TBC1D32: variants seen among roughly 807,000 people sequenced by gnomAD.
TBC1D32 encodes the protein protein broad-minded.
Under a neutral mutation model 170.3 loss-of-function variants are expected in TBC1D32, and 151 were observed. The observed-to-expected ratio is 0.89, with a 90% CI of 0.78 to 1.01. The LOEUF (loss-of-function observed/expected upper bound fraction) is 1.01. Ranked by LOEUF, TBC1D32 falls within the 50% of genes least tolerant of loss-of-function variation. The pLI is 0.00. For missense variants in TBC1D32, 1,464 were observed against 1,457.1 expected (o/e 1.00, Z -0.08); for synonymous variants, 498 against 488.0 (o/e 1.02, Z -0.27).
At chr6:121,129,300 T>C (rs1781174589) in intron 25 of TBC1D32, among the ~76,000 whole-genome samples, 1 of 152,288 alleles carries the variant, frequency 6.6e-6, no homozygotes, top group Middle Eastern at 3.4e-3. Flanking sequence ...AAGATAGTTT[T>C]GTGTTAGATT....
intron 9 of TBC1D32, among the ~76,000 whole-genome samples, chr6:121,300,620 T>C (rs1289155022): frequency 6.6e-6 from 1 of 152,036 alleles, no homozygotes; most frequent in Non-Finnish European, 1.5e-5. Flanking sequence ...ATTCAGGACA[T>C]AGGCATGGGC....
chr6:121,306,048 G>GA (rs1007659601), intron 5 of TBC1D32, among the ~76,000 whole-genome samples: 1 of 152,056 alleles, frequency 6.6e-6, no homozygotes, highest in African/African-American at 2.4e-5. Flanking sequence ...TTAAGTAAAA[G>GA]AAAAAATACG....
chr6:121,084,681 AAG>A (rs1776003638), intron 31 of TBC1D32, among the ~76,000 whole-genome samples: 1 of 152,114 alleles, frequency 6.6e-6, no homozygotes, highest in Non-Finnish European at 1.5e-5. Context: ...AAAAATACTG[AAG>A]ATACTAATTT....
chr6:121,303,838 G>T, intron 8 of TBC1D32, 77 bp from the exon 9 acceptor site: 1 of 1,014,340 alleles, frequency 9.9e-7, no homozygotes, highest in South Asian at 3.4e-5. Context: ...GAATGATAAA[G>T]TAGCATATAA....
intron 22 of TBC1D32, among the ~76,000 whole-genome samples, chr6:121,181,554 G>A (rs1274883305): frequency 2.6e-5 from 4 of 152,038 alleles, no homozygotes; most frequent in African/African-American, 9.7e-5. Context: ...GAATTACCCA[G>A]TCTCAGGTAT....
intron 12 of TBC1D32, among the ~76,000 whole-genome samples, chr6:121,284,490 C>T (rs80068653): frequency 0.033 from 4,975 of 152,152 alleles, 186 homozygotes; most frequent in East Asian, 0.12. Flanking sequence ...TTACATATCA[C>T]AAAACACCCT....
chr6:121,099,869 T>A (rs768603181), intron 30 of TBC1D32, among the ~76,000 whole-genome samples: 1 of 152,058 alleles, frequency 6.6e-6, no homozygotes, highest in East Asian at 1.9e-4. Flanking sequence ...AGTTTCAAAC[T>A]AATACAAATA....
rs539106083 is a variant in TBC1D32 at position 121,224,826 on chromosome 6, T to TA, written c.2365-1475dup. ...GTTTTTAATAAAGGCTATTTCTGTCTAAAAAATGAATTCACATTAAACTTA... is the reference window on the plus strand; with the variant it reads ...GTTTTTAATAAAGGCTATTTCTGTCTAAAAAAATGAATTCACATTAAACTTA... On this transcript the variant is annotated intron_variant, in intron 20 of 31. Transcript: ENST00000398212. Among the ~76,000 whole-genome samples, 63 of 152,220 alleles carry TA rather than the reference T, an allele frequency of 4.1e-4. 1 individual carries two copies. In the South Asian group the frequency reaches 0.013, roughly 31 times the overall value.
intron 9 of TBC1D32, among the ~76,000 whole-genome samples, chr6:121,301,133 G>A (rs1200684644): frequency 3.9e-5 from 6 of 152,102 alleles, no homozygotes; most frequent in African/African-American, 9.7e-5. Flanking sequence ...GCAGTGTGGC[G>A]ATTCCTCAAG....
At chr6:121,101,767 G>T (rs1778099099) in intron 30 of TBC1D32, among the ~76,000 whole-genome samples, 2 of 152,074 alleles carry the variant, frequency 1.3e-5, no homozygotes, top group Admixed American at 6.6e-5. Context: ...GAAATAAAGG[G>T]TATTCAATTA....
intron 24 of TBC1D32, among the ~76,000 whole-genome samples, chr6:121,135,389 C>G (rs896936087): frequency 6.6e-6 from 1 of 152,118 alleles, no homozygotes; most frequent in South Asian, 2.1e-4. Flanking sequence ...GACTTGCCTT[C>G]TGCTGTAAAT....
chr6:121,157,016 T>C (rs1784986667), intron 24 of TBC1D32, among the ~76,000 whole-genome samples: 1 of 152,148 alleles, frequency 6.6e-6, no homozygotes, highest in African/African-American at 2.4e-5. Context: ...TGGATACTTA[T>C]TAGGTCTACT....
intron 21 of TBC1D32, among the ~76,000 whole-genome samples, chr6:121,214,549 CA>C (rs945144837): frequency 2.6e-5 from 4 of 152,164 alleles, no homozygotes; most frequent in African/African-American, 9.7e-5. Flanking sequence ...TGCACCTAGA[CA>C]AGGCATAAAG....
rs144564467 is a variant in TBC1D32, at chr6:121,264,848, C to T, written c.1734-8563G>A. On this transcript the variant is annotated intron_variant, in intron 15 of 31. Transcript: ENST00000398212. Reference sequence around the variant, plus strand: ...CCTCAATAGATGCAGAAAAGACCTTCGATAAAATTCAACATCCCTTCATGC... The same window carrying T: ...CCTCAATAGATGCAGAAAAGACCTTTGATAAAATTCAACATCCCTTCATGC... 2.5e-3 allele frequency among the ~76,000 whole-genome samples: 375 copies of T among 152,172 alleles called. 1 individual carries two copies. The highest frequency in any genetic ancestry group is 8.4e-3 in the African/African-American group (347 of 41,516).
intron 1 of TBC1D32, among the ~76,000 whole-genome samples, chr6:121,332,158 GAA>G (rs1217693005): frequency 6.6e-6 from 1 of 151,922 alleles, no homozygotes. Flanking sequence ...ATTTTAACTT[GAA>G]AAAAAGTTTT....
At chr6:121,269,825 C>T (rs1193854187) in intron 15 of TBC1D32, among the ~76,000 whole-genome samples, 1 of 152,178 alleles carries the variant, frequency 6.6e-6, no homozygotes, top group Non-Finnish European at 1.5e-5. Context: ...CTCAGCACCA[C>T]ATTGCACTTA....
intron 22 of TBC1D32, among the ~76,000 whole-genome samples, chr6:121,198,715 C>G (rs1583184227): frequency 6.6e-6 from 1 of 151,192 alleles, no homozygotes; most frequent in East Asian, 1.9e-4. Context: ...CCCGCCACTG[C>G]ACTCTAGCCT....
chr6:121,177,021 T>C (rs1401313233), intron 22 of TBC1D32, among the ~76,000 whole-genome samples: 1 of 152,016 alleles, frequency 6.6e-6, no homozygotes, highest in Admixed American at 6.6e-5. Flanking sequence ...CCAGTTATCC[T>C]GAATATGTCA....
chr6:121,225,441 C>T (rs1356002751), intron 20 of TBC1D32, among the ~76,000 whole-genome samples: 1 of 151,794 alleles, frequency 6.6e-6, no homozygotes, highest in Non-Finnish European at 1.5e-5. Context: ...TAAAAGATTA[C>T]AAAAAAGCCT....
Sources: gnomAD v4.1 joint callset for allele counts (sites outside exome capture counted in the v4.1 genomes callset) on GRCh38, gnomAD v4.1.1 for gene constraint, MANE v1.5 for transcripts, NCBI Gene and HGNC (gene_info 2026-07-23, HGNC 2026-07-21) for gene names.